Variants in DCTN4 observed in about 807,000 individuals in gnomAD.
The protein encoded by DCTN4 is dynactin subunit 4, also known as dynactin 4 (p62).
DCTN4 carries 23 observed loss-of-function variants against 62.7 expected under a neutral mutation model. That is an observed-to-expected ratio of 0.37 (90% CI 0.26 to 0.52). The LOEUF is 0.52. Ranked by LOEUF, DCTN4 falls within the 20% of genes least tolerant of loss-of-function variation. The pLI is 0.92. For missense variants in DCTN4, 514 were observed against 580.4 expected, an observed-to-expected ratio of 0.89 and a Z score of 1.18; for synonymous variants, 199 against 202.1, an observed-to-expected ratio of 0.98 and a Z score of 0.13.
chr5:150,716,833 C>T (rs548694854), intron 11 of DCTN4, among the ~76,000 whole-genome samples: 10 of 151,746 alleles, frequency 6.6e-5, no homozygotes, highest in Admixed American at 2.0e-4. Flanking sequence ...GTAGGGGAAT[C>T]GCTTGAAACT....
In DCTN4 at chr5:150,753,544, T is replaced by C. The variant is rs982144614; in HGVS notation, c.320A>G (p.Tyr107Cys). The change falls in exon 3 of 13, where the codon TAT becomes TGT. Residue 107 changes from tyrosine (Y) to cysteine (C), a missense_variant. Coordinates refer to ENST00000447998, the MANE Select transcript of DCTN4 (RefSeq NM_016221.4). ...DPAKTTMKKA[Y>C]YLACGFCRWT... Reference sequence around the variant, plus strand: ...GCGACAAAATCCACATGCCAGGTAATAGGCTTTCTTCATGGTGGTCTTGGC... The same window carrying C: ...GCGACAAAATCCACATGCCAGGTAACAGGCTTTCTTCATGGTGGTCTTGGC... 8 of 1,614,204 alleles carry C rather than the reference T, an allele frequency of 5.0e-6. No homozygotes were observed. Among genetic ancestry groups the C allele is most frequent in the South Asian group, 1.1e-5 (1 of 91,084 alleles).
chr5:150,752,131 C>T (rs1305240847), intron 3 of DCTN4, among the ~76,000 whole-genome samples: 1 of 152,096 alleles, frequency 6.6e-6, no homozygotes, highest in Non-Finnish European at 1.5e-5. Context: ...GATGCTACTA[C>T]TTATATAAAG....
chr5:150,744,540 G>C (rs1174373887), intron 3 of DCTN4, among the ~76,000 whole-genome samples: 2 of 152,162 alleles, frequency 1.3e-5, no homozygotes, highest in Admixed American at 6.5e-5. Context: ...CAGCCAGAGA[G>C]AAAGGTCAGG....
chr5:150,748,113 A>G (rs1408352412), intron 3 of DCTN4, among the ~76,000 whole-genome samples: 1 of 152,220 alleles, frequency 6.6e-6, no homozygotes, highest in Non-Finnish European at 1.5e-5. Context: ...AACCTCATCA[A>G]AAAGTGGGCA....
chr5:150,710,797 T>TAGTGAGATCAGATCAAGAGA lies in DCTN4; in HGVS notation c.*332_*351dup. The TAGTGAGATCAGATCAAGAGA allele has an allele frequency of 7.5e-6, 2 of 268,396 alleles. No homozygotes were observed. The highest frequency in any genetic ancestry group is 1.6e-4 in the East Asian group (2 of 12,662). The allele number at this position is 268,396 out of a possible 1,614,324, so 16.6% of individuals were successfully genotyped here. A position where few individuals can be genotyped will look rare whatever the true frequency, so the allele number is the denominator to read the frequency against. ...GTTTCATCTGTGACATTGTGATCCT[T>TAGTGAGATCAGATCAAGAGA]AGTGAGATCAGATCAAGAGACAGTA... On this transcript the variant is annotated 3_prime_UTR_variant, in exon 13 of 13. Transcript: ENST00000447998.
chr5:150,755,494 T>C (rs1254679464), intron 2 of DCTN4: 6 of 456,088 alleles, frequency 1.3e-5, no homozygotes, highest in Non-Finnish European at 2.2e-5. Flanking sequence ...CATAAGTATT[T>C]ACCCTTGATA....
At chr5:150,731,189 C>G (rs1760351172) in intron 6 of DCTN4, 33 bp from the exon 7 acceptor site, 1 of 1,429,336 alleles carries the variant, frequency 7.0e-7, no homozygotes, top group Non-Finnish European at 9.9e-7. Flanking sequence ...CAAAACAAAA[C>G]AAAAGAGTAA....
intron 3 of DCTN4, among the ~76,000 whole-genome samples, chr5:150,743,446 G>T (rs1760844416): frequency 6.6e-6 from 1 of 152,232 alleles, no homozygotes; most frequent in African/African-American, 2.4e-5. Context: ...GAGCAGAGCA[G>T]TGGTTCTCCC....
chr5:150,734,033 A>G (rs1028531119), intron 4 of DCTN4: 2 of 152,222 alleles, frequency 1.3e-5, no homozygotes, highest in African/African-American at 4.8e-5. Flanking sequence ...TCTATAAAAA[A>G]ATGCAAAAAT....
intron 1 of DCTN4, 68 bp downstream of exon 1, chr5:150,758,791 T>G: frequency 1.3e-6 from 2 of 1,582,196 alleles, no homozygotes; most frequent in Admixed American, 1.7e-5. Flanking sequence ...AGCCTTCCGG[T>G]GGCAGTGACT....
At chr5:150,757,959 A>G (rs1752923659) in intron 1 of DCTN4, 2 of 612,456 alleles carry the variant, frequency 3.3e-6, no homozygotes, top group African/African-American at 2.0e-5. Flanking sequence ...CTGTAAAAAA[A>G]ATTTTTTAAA....
rs539644134 is a variant in DCTN4, at chr5:150,727,590, A to C, written c.834+3041T>G. Among the ~76,000 whole-genome samples, 888 of 151,796 alleles carry C rather than the reference A, an allele frequency of 5.8e-3. 4 individuals carry two copies. Among genetic ancestry groups the C allele is most frequent in the Middle Eastern group, 0.017 (5 of 294 alleles). On this transcript the variant is annotated intron_variant, in intron 8 of 12. Transcript: ENST00000447998. ...AGAAGATCGAGACCATCCCGGCTAA[A>C]ACGGTGAAACCCCGTCTCTACTAAA...
At chr5:150,724,438 G>T (rs1760066674) in intron 8 of DCTN4, among the ~76,000 whole-genome samples, 1 of 152,096 alleles carries the variant, frequency 6.6e-6, no homozygotes. Flanking sequence ...TGGCATGAGG[G>T]TACAAGTTTT....
chr5:150,711,946 T>G (rs1157959800), intron 12 of DCTN4, among the ~76,000 whole-genome samples: 2 of 152,192 alleles, frequency 1.3e-5, no homozygotes, highest in East Asian at 3.8e-4. Context: ...TATATACAGA[T>G]CATCTACAAT....
chr5:150,723,171 G>A (rs941695309), intron 8 of DCTN4, among the ~76,000 whole-genome samples, 191 bp from the exon 9 acceptor site: 15 of 152,150 alleles, frequency 9.9e-5, no homozygotes, highest in African/African-American at 3.4e-4. Context: ...CCTGATATGT[G>A]CAACCCCACT....
chr5:150,729,632 C>CTTTTTTTTTA lies in DCTN4; in HGVS notation c.834+998_834+999insTAAAAAAAAA, dbSNP rs1415237737. Among the ~76,000 whole-genome samples the CTTTTTTTTTA allele has an allele frequency of 2.8e-5, 4 of 143,910 alleles. No homozygotes were observed. The East Asian group carries it at 8.1e-4, about 29-fold the overall frequency. The allele number at this position is 143,910 out of a possible 152,430, so 94.4% of individuals were successfully genotyped here. A position where few individuals can be genotyped will look rare whatever the true frequency, so the allele number is the denominator to read the frequency against. Reference sequence around the variant, plus strand: ...ATACTTTTTTTTTTTTTTTAAGAGACAGGGTCTTTCTGTGTTGCCTAGGCT... The same window carrying CTTTTTTTTTA: ...ATACTTTTTTTTTTTTTTTAAGAGACTTTTTTTTTAAGGGTCTTTCTGTGTTGCCTAGGCT... On this transcript the variant is annotated intron_variant, in intron 8 of 12. Transcript: ENST00000447998.
intron 3 of DCTN4, among the ~76,000 whole-genome samples, chr5:150,751,181 C>T (rs1167201949): frequency 2.6e-5 from 4 of 152,090 alleles, no homozygotes; most frequent in Non-Finnish European, 5.9e-5. Flanking sequence ...CCGTACATTA[C>T]AGACAAGTAC....
chr5:150,731,935 G>C, intron 5 of DCTN4: 1 of 1,550,818 alleles, frequency 6.4e-7, no homozygotes, highest in Non-Finnish European at 8.7e-7. Context: ...GCAGCAGGTT[G>C]CAACAGAGAC....
chr5:150,735,240 A>G (rs1760533399), intron 4 of DCTN4, among the ~76,000 whole-genome samples: 1 of 152,250 alleles, frequency 6.6e-6, no homozygotes, highest in African/African-American at 2.4e-5. Context: ...AACTCATAAA[A>G]GAACAACCCT....
Sources: gnomAD v4.1 joint callset for allele counts (sites outside exome capture counted in the v4.1 genomes callset) on GRCh38, gnomAD v4.1.1 for gene constraint, MANE v1.5 for transcripts, NCBI Gene and HGNC (gene_info 2026-07-23, HGNC 2026-07-21) for gene names.